AFF3: variants seen among roughly 807,000 people sequenced by gnomAD.
AFF3 encodes the protein AF4/FMR2 family member 3.
A neutral mutation model predicts 129.7 loss-of-function variants in AFF3; 32 were observed. The observed-to-expected ratio is 0.25, with a 90% confidence interval of 0.19 to 0.33. AFF3 has a LOEUF of 0.33. AFF3 is among the 10% of genes least tolerant of loss of function. The probability of loss-of-function intolerance (pLI) is 1.00; values close to 1 mark genes in which losing one functional copy is unlikely to be tolerated. For missense variants in AFF3, 1,373 were observed against 1,592.0 expected (o/e 0.86, Z 2.34); for synonymous variants, 644 against 635.4 (o/e 1.01, Z -0.20).
chr2:100,014,886 T>A (rs1682871812), intron 4 of AFF3, among the ~76,000 whole-genome samples: 1 of 148,520 alleles, frequency 6.7e-6, no homozygotes, highest in Non-Finnish European at 1.5e-5. Context: ...CAGGTTCAAG[T>A]GATTCTTTTG....
At chr2:99,757,459 A>C (rs13020899) in intron 8 of AFF3, among the ~76,000 whole-genome samples, 1 of 152,180 alleles carries the variant, frequency 6.6e-6, no homozygotes. Context: ...AATAACAATA[A>C]TTCTCATTTA....
chr2:99,800,172 G>A (rs900088847), intron 8 of AFF3, among the ~76,000 whole-genome samples: 3 of 152,120 alleles, frequency 2.0e-5, no homozygotes, highest in Non-Finnish European at 4.4e-5. Context: ...TATTTGCAAA[G>A]TATGTAAATA....
At chr2:99,606,803 A>G (rs1328501688) in intron 13 of AFF3, among the ~76,000 whole-genome samples, 1 of 150,920 alleles carries the variant, frequency 6.6e-6, no homozygotes, top group Non-Finnish European at 1.5e-5. Context: ...AGTCCCAGCT[A>G]CTCAGGAGGC....
At chr2:99,631,422 T>C (rs1683105992) in intron 13 of AFF3, among the ~76,000 whole-genome samples, 1 of 152,262 alleles carries the variant, frequency 6.6e-6, no homozygotes, top group Non-Finnish European at 1.5e-5. Flanking sequence ...TTCACACTGC[T>C]GTACAACCAT....
Position 100,055,852 on chromosome 2 carries a change from G to C in AFF3, c.54-46920C>G, listed in dbSNP as rs79290048. Among the ~76,000 whole-genome samples the C allele has an allele frequency of 0.014, 2,141 of 152,120 alleles. 170 individuals are homozygous for C. The East Asian group carries it at 0.21, about 15-fold the overall frequency. On this transcript the variant is annotated intron_variant, in intron 4 of 24. Coordinates refer to ENST00000672756, the MANE Select transcript of AFF3 (RefSeq NM_001386135.1). Reference sequence around the variant, plus strand: ...TGCCCCAGAAGCTATTTCATTAGTTGATCAATCTGTTCATCACCCAGTTTT... The same window carrying C: ...TGCCCCAGAAGCTATTTCATTAGTTCATCAATCTGTTCATCACCCAGTTTT...
At chr2:100,015,226 A>G (rs1317429912) in intron 4 of AFF3, among the ~76,000 whole-genome samples, 1 of 152,174 alleles carries the variant, frequency 6.6e-6, no homozygotes, top group Non-Finnish European at 1.5e-5. Flanking sequence ...TCCTAAGAGC[A>G]GATTTGGTTT....
chr2:99,623,654 G>C (rs1000348403), intron 13 of AFF3, among the ~76,000 whole-genome samples: 1 of 152,202 alleles, frequency 6.6e-6, no homozygotes, highest in African/African-American at 2.4e-5. Flanking sequence ...TCTGGGTTAG[G>C]GTCGGGGAGA....
At chr2:99,799,291 C>T (rs1166973385) in intron 8 of AFF3, among the ~76,000 whole-genome samples, 1 of 151,266 alleles carries the variant, frequency 6.6e-6, no homozygotes, top group African/African-American at 2.4e-5. Context: ...ATAATACAAA[C>T]TACATAAAAT....
chr2:99,940,094 G>A (rs751824889), intron 7 of AFF3, among the ~76,000 whole-genome samples: 2 of 152,190 alleles, frequency 1.3e-5, no homozygotes, highest in Non-Finnish European at 2.9e-5. Context: ...AATGCCCCAT[G>A]CTATAATCCG....
At chr2:99,644,355 CTTT>C (rs962651703) in intron 13 of AFF3, among the ~76,000 whole-genome samples, 15 of 149,196 alleles carry the variant, frequency 1.0e-4, no homozygotes, top group Admixed American at 8.7e-4. Flanking sequence ...GTTCCTCTCT[CTTT>C]TTTTTTAAGT....
At chr2:99,673,822 C>T (rs1011416685) in intron 11 of AFF3, among the ~76,000 whole-genome samples, 1 of 152,176 alleles carries the variant, frequency 6.6e-6, no homozygotes, top group Non-Finnish European at 1.5e-5. Context: ...AAAGAACTGG[C>T]AGGATAAGGC....
Position 99,970,618 on chromosome 2 carries a change from C to T in AFF3, c.873+36014G>A, listed in dbSNP as rs1678266606. Among the ~76,000 whole-genome samples the T allele has an allele frequency of 2.0e-5, 3 of 152,218 alleles. No individual in the cohort carries two copies. In the South Asian group the frequency reaches 6.2e-4, roughly 32 times the overall value. On this transcript the variant is annotated intron_variant, in intron 7 of 24. Coordinates refer to ENST00000672756, the MANE Select transcript of AFF3 (RefSeq NM_001386135.1). ...AGCCTCTCCAGGCATGGGACAGTTTCCCCTGCCCCACTCCTTCCGGACATG... is the reference window on the plus strand; with the variant it reads ...AGCCTCTCCAGGCATGGGACAGTTTTCCCTGCCCCACTCCTTCCGGACATG...
intron 7 of AFF3, among the ~76,000 whole-genome samples, chr2:99,867,003 A>AATAATAAAT (rs1558928973): frequency 9.7e-4 from 96 of 99,112 alleles, no homozygotes; most frequent in African/African-American, 3.1e-3. Flanking sequence ...ATAATAATAA[A>AATAATAAAT]AAATAAATAA....
chr2:99,922,770 T>C (rs10167214), intron 7 of AFF3, among the ~76,000 whole-genome samples: 69,049 of 151,980 alleles, frequency 0.45, 16,831 homozygotes, highest in African/African-American at 0.63. Context: ...CAAGTAAACA[T>C]TTGAGAAGTG....
intron 11 of AFF3, among the ~76,000 whole-genome samples, chr2:99,682,312 A>C (rs1002653319): frequency 6.6e-6 from 1 of 152,058 alleles, no homozygotes; most frequent in Non-Finnish European, 1.5e-5. Flanking sequence ...GTACATAACT[A>C]ATGCATTATG....
intron 24 of AFF3, among the ~76,000 whole-genome samples, chr2:99,552,315 G>A (rs929418962): frequency 1.3e-5 from 2 of 152,138 alleles, no homozygotes; most frequent in Non-Finnish European, 2.9e-5. Flanking sequence ...GCTTGAACCC[G>A]GGAGGAGGAG....
chr2:100,026,609 A>G (rs1426258047), intron 4 of AFF3, among the ~76,000 whole-genome samples: 1 of 151,958 alleles, frequency 6.6e-6, no homozygotes, highest in East Asian at 1.9e-4. Context: ...GCATGTTTAT[A>G]GCAGCACAAT....
At chr2:99,840,564 C>T (rs1374492684) in intron 7 of AFF3, among the ~76,000 whole-genome samples, 1 of 152,204 alleles carries the variant, frequency 6.6e-6, no homozygotes, top group Non-Finnish European at 1.5e-5. Context: ...GACACCAATG[C>T]TTTCACTAAT....
chr2:99,917,511 C>T (rs947419978), intron 7 of AFF3, among the ~76,000 whole-genome samples: 2 of 152,166 alleles, frequency 1.3e-5, no homozygotes, highest in African/African-American at 4.8e-5. Flanking sequence ...CCTGTGTGCT[C>T]GCCTTGTCTC....
Sources: allele counts gnomAD v4.1 joint callset (sites outside exome capture counted in the v4.1 genomes callset), GRCh38; gene constraint gnomAD v4.1.1; transcripts MANE v1.5; gene names NCBI Gene and HGNC (gene_info 2026-07-23, HGNC 2026-07-21).